Variants in SEPTIN9 observed in about 807,000 individuals in gnomAD.
The protein encoded by SEPTIN9 is septin-9.
SEPTIN9 carries 13 observed loss-of-function variants against 56.6 expected under a neutral mutation model. The ratio of observed to expected loss-of-function variants is 0.23; its 90% CI spans 0.15 to 0.37. The LOEUF is 0.37. Among genes scored for constraint, SEPTIN9 ranks in the 10% least tolerant of loss-of-function variants. The pLI, the probability that SEPTIN9 is intolerant of heterozygous loss-of-function variation, is 1.00. For missense variants in SEPTIN9, 650 were observed against 823.1 expected, an observed-to-expected ratio of 0.79 and a Z score of 2.57; for synonymous variants, 332 against 334.1, an observed-to-expected ratio of 0.99 and a Z score of 0.07.
chr17:77,285,299 C>T (rs576928017), intron 1 of SEPTIN9, among the ~76,000 whole-genome samples: 7 of 152,266 alleles, frequency 4.6e-5, no homozygotes, highest in South Asian at 2.1e-4. Flanking sequence ...TGGGTGGCAG[C>T]GGCAGGAGGA....
intron 3 of SEPTIN9, among the ~76,000 whole-genome samples, chr17:77,438,581 A>G (rs1209657667): frequency 1.3e-5 from 2 of 152,204 alleles, no homozygotes; most frequent in East Asian, 3.9e-4. Flanking sequence ...TGAGGGGTGC[A>G]GTGGGAGAGG....
intron 2 of SEPTIN9, among the ~76,000 whole-genome samples, chr17:77,360,500 C>T (rs1312093425): frequency 1.3e-5 from 2 of 152,116 alleles, no homozygotes; most frequent in Non-Finnish European, 2.9e-5. Flanking sequence ...GCAAACACTA[C>T]ATATCAGGCC....
At chr17:77,486,526 GCA>G (rs760569182) in intron 4 of SEPTIN9, among the ~76,000 whole-genome samples, 4,528 of 107,268 alleles carry the variant, frequency 0.042, 86 homozygotes, top group African/African-American at 0.11. Context: ...GTGTGTGCGC[GCA>G]CGCGCGCGCG....
At chr17:77,296,522 G>T (rs764066696) in intron 1 of SEPTIN9, among the ~76,000 whole-genome samples, 18 of 152,010 alleles carry the variant, frequency 1.2e-4, no homozygotes, top group Non-Finnish European at 2.4e-4. Context: ...AGATAGCCAG[G>T]CAGGCAGATA....
At chr17:77,420,445 G>C (rs2036658863) in intron 3 of SEPTIN9, among the ~76,000 whole-genome samples, 1 of 152,176 alleles carries the variant, frequency 6.6e-6, no homozygotes, top group Non-Finnish European at 1.5e-5. Context: ...CTGTGAAACA[G>C]AGATACCTGG....
intron 2 of SEPTIN9, among the ~76,000 whole-genome samples, chr17:77,380,463 C>T (rs184773429): frequency 6.6e-6 from 1 of 152,048 alleles, no homozygotes; most frequent in Non-Finnish European, 1.5e-5. Flanking sequence ...CTCCTGGCAT[C>T]TCTGGGCCAA....
At position 77,488,370 on chromosome 17, in the gene SEPTIN9, C is replaced by G. The variant is rs574915189; in HGVS notation, c.1124+49C>G. 6.1e-4 allele frequency: 921 copies of G among 1,516,158 alleles called. 13 individuals carry two copies. The South Asian group carries it at 8.4e-3, about 14-fold the overall frequency. 93.9% of individuals were successfully genotyped at this position (1,516,158 alleles called of 1,614,324 possible). On this transcript the variant is annotated intron_variant, in intron 6 of 11. Transcript: ENST00000427177. ...GCACTAGCGGGGGCTTCAGGGCTCCCTGGACCCCACCCAGAGTCAGCCCTA... is the reference window on the plus strand; with the variant it reads ...GCACTAGCGGGGGCTTCAGGGCTCCGTGGACCCCACCCAGAGTCAGCCCTA...
chr17:77,476,002 C>T lies in SEPTIN9; in HGVS notation c.722-6142C>T. 1 of 1,333,988 alleles carries T rather than the reference C, an allele frequency of 7.5e-7. No individual in the cohort carries two copies. The allele number at this position is 1,333,988 out of a possible 1,614,324, so 82.6% of individuals were successfully genotyped here. On this transcript the variant is annotated intron_variant, in intron 3 of 11. Transcript: ENST00000427177. The surrounding 1 kb of genome is among the most constrained non-coding windows in gnomAD (Gnocchi z 6.0). ...AATGGCATTGACTTGACCCTGAGCA[C>T]TTTGTCCTGGGGTGCAGGCCCGGCT...
intron 3 of SEPTIN9, among the ~76,000 whole-genome samples, chr17:77,419,380 C>T (rs1014862036): frequency 2.0e-5 from 3 of 152,128 alleles, no homozygotes; most frequent in African/African-American, 4.8e-5. Flanking sequence ...GCAGGGACCC[C>T]GGCGCTGTAC....
At chr17:77,473,096 G>A (rs929584844) in intron 3 of SEPTIN9, among the ~76,000 whole-genome samples, 22 of 152,282 alleles carry the variant, frequency 1.4e-4, no homozygotes, top group Non-Finnish European at 2.5e-4. Context: ...CTGTCCACCC[G>A]CTCTGGAGTC....
rs1273408164 is a variant in SEPTIN9, at chr17:77,499,673, C to T, written c.*1015C>T. 13 of 413,532 alleles carry T rather than the reference C, an allele frequency of 3.1e-5. No individual in the cohort carries two copies. The East Asian group carries it at 3.9e-4, about 12-fold the overall frequency. The allele number at this position is 413,532 out of a possible 1,614,324, so 25.6% of individuals were successfully genotyped here. A position where few individuals can be genotyped will look rare whatever the true frequency, so the allele number is the denominator to read the frequency against. ...GTGTGTGTCCATGTGTATGCGTGTC[C>T]GTCTGTCTGTCTAGTGTCTGGGTTT... On this transcript the variant is annotated 3_prime_UTR_variant, in exon 12 of 12. Coordinates refer to ENST00000427177, the MANE Select transcript of SEPTIN9 (RefSeq NM_001113491.2).
chr17:77,488,310 C>T lies in SEPTIN9; in HGVS notation c.1113C>T (p.Asn371=). ...IDTPGFGDHI[N]NENCWQPIMK... ...CACCAGGGTTCGGGGACCACATCAA[C>T]AACGAGAACTGGTGAGGCCCCTCCA... Residue 371 remains asparagine, a synonymous_variant, in exon 6 of 12, where the codon AAC becomes AAT. Coordinates refer to ENST00000427177, the MANE Select transcript of SEPTIN9 (RefSeq NM_001113491.2). 1.2e-6 allele frequency: 2 copies of T among 1,613,544 alleles called. No homozygotes were observed. The highest frequency in any genetic ancestry group is 1.7e-6 in the Non-Finnish European group (2 of 1,179,708).
chr17:77,460,330 G>A (rs1349820784), intron 3 of SEPTIN9, among the ~76,000 whole-genome samples: 2 of 152,146 alleles, frequency 1.3e-5, no homozygotes, highest in Non-Finnish European at 2.9e-5. Context: ...TACGTTGTGT[G>A]TGCCGTGCTG....
chr17:77,357,827 G>A (rs2034301663), intron 2 of SEPTIN9, among the ~76,000 whole-genome samples: 2 of 152,108 alleles, frequency 1.3e-5, no homozygotes, highest in Admixed American at 6.5e-5. Context: ...TATTCACCCA[G>A]GACCACTTCT....
chr17:77,335,534 A>G (rs1030398039), intron 2 of SEPTIN9, among the ~76,000 whole-genome samples: 3 of 150,704 alleles, frequency 2.0e-5, no homozygotes, highest in Non-Finnish European at 3.0e-5. Flanking sequence ...TAGTATATGT[A>G]CATATATACA....
At chr17:77,497,474 C>G (rs1185667647) in intron 11 of SEPTIN9, 108 bp downstream of exon 11, 15 of 971,298 alleles carry the variant, frequency 1.5e-5, no homozygotes, top group African/African-American at 4.8e-5. Context: ...GAGTGGGTGC[C>G]CCCTGCCACC....
rs543211606 is a variant in SEPTIN9 at position 77,462,209 on chromosome 17, T to C, written c.722-19935T>C. 6.2e-4 allele frequency among the ~76,000 whole-genome samples: 95 copies of C among 152,272 alleles called. 1 individual carries two copies. The highest frequency in any genetic ancestry group is 2.1e-3 in the African/African-American group (88 of 41,532). On this transcript the variant is annotated intron_variant, in intron 3 of 11. Coordinates refer to ENST00000427177, the MANE Select transcript of SEPTIN9 (RefSeq NM_001113491.2). ...TTGACACCGAGCCTTCATAAGGAAATGAAGACCCAGAGAAACCGTTAGCCT... is the reference window on the plus strand; with the variant it reads ...TTGACACCGAGCCTTCATAAGGAAACGAAGACCCAGAGAAACCGTTAGCCT...
In SEPTIN9 at chr17:77,317,861, G is replaced by A. The variant is rs1598184006; in HGVS notation, c.76+10664G>A. Reference sequence around the variant, plus strand: ...AGGTCAGGAGTTCAAGATCAGCCTGGCCAATATGGTGAAACCCCGTTTCTA... The same window carrying A: ...AGGTCAGGAGTTCAAGATCAGCCTGACCAATATGGTGAAACCCCGTTTCTA... On this transcript the variant is annotated intron_variant, in intron 2 of 11. Transcript: ENST00000427177. The surrounding 1 kb of genome is among the most constrained non-coding windows in gnomAD (Gnocchi z 4.2). Among the ~76,000 whole-genome samples, 1 of 151,930 alleles carries A rather than the reference G, an allele frequency of 6.6e-6. No individual in the cohort carries two copies. Among genetic ancestry groups the A allele is most frequent in the South Asian group, 2.1e-4 (1 of 4,814 alleles).
chr17:77,475,706 G>A lies in SEPTIN9; in HGVS notation c.722-6438G>A. ...CTGGGCCGGGGTGGATGGAGGCAAG[G>A]AAGTCTTCGCCGGGGCAAGGGCACC... On this transcript the variant is annotated intron_variant, in intron 3 of 11. Transcript: ENST00000427177. This position sits in a 1 kb window ranked among gnomAD's most constrained non-coding sequence, Gnocchi z 4.6. The A allele has an allele frequency of 2.5e-6, 4 of 1,613,526 alleles. No individual in the cohort carries two copies. The highest frequency in any genetic ancestry group is 3.4e-6 in the Non-Finnish European group (4 of 1,179,892).
Sources: gnomAD v4.1 joint callset for allele counts (sites outside exome capture counted in the v4.1 genomes callset) on GRCh38, gnomAD v4.1.1 for gene constraint, Gnocchi (gnomAD v3.1) non-coding constraint, MANE v1.5 for transcripts, NCBI Gene and HGNC (gene_info 2026-07-23, HGNC 2026-07-21) for gene names.